GCN1: variants seen among roughly 807,000 people sequenced by gnomAD.
GCN1 encodes stalled ribosome sensor GCN1.
A neutral mutation model predicts 288.4 loss-of-function variants in GCN1; 90 were observed. That is an observed-to-expected ratio of 0.31 (90% confidence interval 0.26 to 0.37). GCN1 has a LOEUF of 0.37. Among genes scored for constraint, GCN1 ranks in the 10% least tolerant of loss-of-function variants. The probability of loss-of-function intolerance (pLI) is 1.00; values close to 1 mark genes in which losing one functional copy is unlikely to be tolerated. For synonymous variants in GCN1, 1,386 were observed against 1,420.2 expected (o/e 0.98, Z 0.54); for missense variants, 2,586 against 3,419.9 (o/e 0.76, Z 6.08).
intron 2 of GCN1, among the ~76,000 whole-genome samples, chr12:120,186,012 G>A (rs912145544): frequency 1.3e-5 from 2 of 152,254 alleles, no homozygotes; most frequent in Admixed American, 6.5e-5. Context: ...ACTCTGGGCA[G>A]AAAGAGTTCA....
chr12:120,156,643 C>A lies in GCN1; in HGVS notation c.3169-39G>T. On this transcript the variant is annotated intron_variant, in intron 27 of 57. Transcript: ENST00000300648. The surrounding 1 kb of genome is among the most constrained non-coding windows in gnomAD (Gnocchi z 5.8). ...CAATCCACTGGTTCAGTCAGCAACT[C>A]ATTTACTACTAGGGGGCCAGAGAGG... The A allele has an allele frequency of 6.2e-7, 1 of 1,607,094 alleles. No homozygotes were observed. Among genetic ancestry groups the A allele is most frequent in the Non-Finnish European group, 8.5e-7 (1 of 1,174,592 alleles).
chr12:120,164,176 T>C (rs1300684634), intron 18 of GCN1, among the ~76,000 whole-genome samples, 160 bp downstream of exon 18: 6 of 152,120 alleles, frequency 3.9e-5, no homozygotes, highest in Admixed American at 3.9e-4. Flanking sequence ...AGGAATCCTA[T>C]GAAAGATGTT....
chr12:120,164,901 G>A (rs1878052519), intron 16 of GCN1, among the ~76,000 whole-genome samples, 180 bp from the exon 17 acceptor site: 1 of 147,950 alleles, frequency 6.8e-6, no homozygotes, highest in South Asian at 2.1e-4. Flanking sequence ...ATGTATTTTG[G>A]AATCAGTAAA....
At position 120,151,334 on chromosome 12, in the gene GCN1, C is replaced by T. The variant is rs1215773482; in HGVS notation, c.4120G>A (p.Ala1374Thr). 1.2e-6 allele frequency: 2 copies of T among 1,613,920 alleles called. No individual in the cohort carries two copies. Among genetic ancestry groups the T allele is most frequent in the Non-Finnish European group, 1.7e-6 (2 of 1,179,954 alleles). ...ATAAGCCTCTGGATCATCCCTCCAG[C>T]ATCCTCCTTGATGGCTGGCACAAGG... ...PPLVPAIKED[A>T]GGMIQRLMQQ... The change falls in exon 34 of 58, where the codon GCT becomes ACT. Residue 1374 changes from alanine to threonine, a missense_variant. By Grantham distance (58) the Ala-to-Thr change is moderately conservative. Around this residue, in one of 8 missense-constraint regions of GCN1, gnomAD observed 332 missense variants for 403.0 expected, o/e 0.82. Transcript: ENST00000300648.
Position 120,157,004 on chromosome 12 carries a change from C to T in GCN1, c.3088-12G>A, listed in dbSNP as rs757964749. The T allele has an allele frequency of 1.1e-5, 18 of 1,599,472 alleles. No individual in the cohort carries two copies. In the East Asian group the frequency reaches 1.3e-4, roughly 12 times the overall value. The stretch of plus-strand genomic sequence containing the variant: ...AACTCCGGGCCATTCTAGGAGAGAA[C>T]GGCAGGTAAGTCGAGATGAGGCTGT... On this transcript the variant is annotated splice_polypyrimidine_tract_variant and intron_variant, in intron 26 of 57. Coordinates refer to ENST00000300648, the MANE Select transcript of GCN1 (RefSeq NM_006836.2).
chr12:120,173,642 A>G lies in GCN1; in HGVS notation c.1366+11T>C. ...AGGAGACCTGGACACTAGCCCTGGG[A>G]GTTGTCTTACCCCGGTAAGAGGCCA... On this transcript the variant is annotated intron_variant, in intron 14 of 57. Transcript: ENST00000300648. 3 of 1,555,598 alleles carry G rather than the reference A, an allele frequency of 1.9e-6. No homozygotes were observed. The highest frequency in any genetic ancestry group is 2.7e-6 in the Non-Finnish European group (3 of 1,127,310).
chr12:120,174,275 T>C (rs574132198), intron 12 of GCN1, 106 bp from the exon 13 acceptor site: 124 of 693,608 alleles, frequency 1.8e-4, no homozygotes, highest in South Asian at 6.8e-4. Context: ...CTCTTCTGTG[T>C]CTCCAGCAGG....
At chr12:120,173,602 T>G in intron 14 of GCN1, 51 bp downstream of exon 14, 1 of 1,061,440 alleles carries the variant, frequency 9.4e-7, no homozygotes. Context: ...CCCTAAAGAC[T>G]CAGTAACCTC....
chr12:120,167,960 T>C (rs1878186491), intron 16 of GCN1, among the ~76,000 whole-genome samples: 1 of 151,988 alleles, frequency 6.6e-6, no homozygotes, highest in Non-Finnish European at 1.5e-5. Context: ...TCAGCTATAA[T>C]TACAGCTCAT....
At chr12:120,152,191 G>A (rs1324122519) in intron 33 of GCN1, among the ~76,000 whole-genome samples, 1 of 151,666 alleles carries the variant, frequency 6.6e-6, no homozygotes, top group Non-Finnish European at 1.5e-5. Context: ...TCCACCTCTG[G>A]CTAATTTTTA....
rs1877875495 is a variant in GCN1, at chr12:120,160,012, C to T, written c.2562G>A (p.Glu854=). The part of the protein sequence containing the change: ...VRRRLQELDG[E]LEAALGLLDI... ...CCAGCAGTCCAAGCGCCGCCTCCAG[C>T]TCCCCATCCAGCTGCAAGCAGAGTT... is the stretch of plus-strand genomic sequence containing the variant. Residue 854 remains glutamate, a synonymous_variant, in exon 24 of 58, where the codon GAG becomes GAA. Transcript: ENST00000300648. 1 of 1,614,114 alleles carries T rather than the reference C, an allele frequency of 6.2e-7. No individual in the cohort carries two copies. The highest frequency in any genetic ancestry group is 8.5e-7 in the Non-Finnish European group (1 of 1,179,946).
At chr12:120,179,621 G>A (rs1322275976) in intron 5 of GCN1, among the ~76,000 whole-genome samples, 2 of 151,648 alleles carry the variant, frequency 1.3e-5, no homozygotes, top group Non-Finnish European at 2.9e-5. Flanking sequence ...GGATGGTCTC[G>A]ATCTCCTGAC....
rs1187796948 is a variant in GCN1, at chr12:120,132,926, G to A, written c.7318-904C>T. The stretch of plus-strand genomic sequence containing the variant: ...AAGCCCAGGTGCCAAGCTAAAGCTG[G>A]CTCTGACACCGACTCTCTCCAACTT... On this transcript the variant is annotated intron_variant, in intron 53 of 57. Transcript: ENST00000300648. Among the ~76,000 whole-genome samples, 3 of 152,024 alleles carry A rather than the reference G, an allele frequency of 2.0e-5. No individual in the cohort carries two copies. The East Asian group carries it at 5.8e-4, about 29-fold the overall frequency.
In GCN1 at chr12:120,163,179, C is replaced by T; in HGVS notation, c.1929G>A (p.Leu643=). Residue 643 remains leucine, a synonymous_variant, in exon 19 of 58, where the codon CTG becomes CTA. Coordinates refer to ENST00000300648, the MANE Select transcript of GCN1 (RefSeq NM_006836.2). ...CGGAGATGACACACAGAGCCTCCTGCAGGACCCGTGGAGGCACGTAGGCCT... is the reference window on the plus strand; with the variant it reads ...CGGAGATGACACACAGAGCCTCCTGTAGGACCCGTGGAGGCACGTAGGCCT... ...AGKAYVPPRV[L]QEALCVISGV... The T allele has an allele frequency of 6.2e-7, 1 of 1,613,918 alleles. No individual in the cohort carries two copies. The highest frequency in any genetic ancestry group is 8.5e-7 in the Non-Finnish European group (1 of 1,179,760).
Position 120,185,121 on chromosome 12 carries a change from C to T in GCN1, c.122-234G>A, listed in dbSNP as rs1182819785. ...AACGAAACTAAGAAAATAAAAGTGGCCTCGAAACCTCACATGCCATCAAGA... is the reference window on the plus strand; with the variant it reads ...AACGAAACTAAGAAAATAAAAGTGGTCTCGAAACCTCACATGCCATCAAGA... On this transcript the variant is annotated intron_variant, in intron 2 of 57. Transcript: ENST00000300648. Among the ~76,000 whole-genome samples the T allele has an allele frequency of 7.2e-5, 11 of 152,162 alleles. 1 individual carries two copies. The East Asian group carries it at 2.1e-3, about 29-fold the overall frequency.
rs1029441798 is a variant in GCN1, at chr12:120,142,181, C to T, written c.5829+326G>A. On this transcript the variant is annotated intron_variant, in intron 44 of 57. Transcript: ENST00000300648. This position sits in a 1 kb window ranked among gnomAD's most constrained non-coding sequence, Gnocchi z 4.9. The stretch of plus-strand genomic sequence containing the variant: ...CTCTACTAAAAATATAAAAAAATGG[C>T]CAGGTGTGGTGGTGGATGCCTGTAG... Among the ~76,000 whole-genome samples, 4 of 151,992 alleles carry T rather than the reference C, an allele frequency of 2.6e-5. No individual in the cohort carries two copies. Among genetic ancestry groups the T allele is most frequent in the Admixed American group, 1.3e-4 (2 of 15,252 alleles).
intron 57 of GCN1, 123 bp from the exon 58 acceptor site, chr12:120,128,097 A>G: frequency 1.1e-6 from 1 of 919,030 alleles, no homozygotes; most frequent in Non-Finnish European, 1.7e-6. Context: ...GGACTCTGGC[A>G]AAATAAGGGA....
At chr12:120,130,991 A>G (rs939255241) in intron 55 of GCN1, among the ~76,000 whole-genome samples, 194 bp downstream of exon 55, 1 of 152,060 alleles carries the variant, frequency 6.6e-6, no homozygotes, top group Non-Finnish European at 1.5e-5. Context: ...TTCAACCCAA[A>G]TTCCTTGTTT....
rs1456066619 is a variant in GCN1 at position 120,144,369 on chromosome 12, G to C, written c.5432C>G (p.Thr1811Arg). Reference protein sequence around the residue: ...GQRVISMYAETAIALLLPQLE... With the variant: ...GQRVISMYAERAIALLLPQLE... The stretch of plus-strand genomic sequence containing the variant: ...CTGGGGCAGCAGCAGGGCGATGGCT[G>C]TCTCAGCGTACATGGAGATAACCCG... Residue 1811 changes from threonine to arginine, a missense_variant, in exon 42 of 58, where the codon ACA becomes AGA. By Grantham distance (71) the Thr-to-Arg change is moderately conservative. Around this residue, in one of 8 missense-constraint regions of GCN1, gnomAD observed 371 missense variants for 572.6 expected, o/e 0.65. Coordinates refer to ENST00000300648, the MANE Select transcript of GCN1 (RefSeq NM_006836.2). This position sits in a 1 kb window ranked among gnomAD's most constrained non-coding sequence, Gnocchi z 4.7. 1 of 1,614,092 alleles carries C rather than the reference G, an allele frequency of 6.2e-7. No homozygotes were observed. The highest frequency in any genetic ancestry group is 2.2e-5 in the East Asian group (1 of 44,902).
Sources: allele counts gnomAD v4.1 joint callset (sites outside exome capture counted in the v4.1 genomes callset), GRCh38; gene constraint gnomAD v4.1.1; regional missense constraint gnomAD v4.1.1; non-coding constraint Gnocchi (gnomAD v3.1); transcripts MANE v1.5; gene names NCBI Gene and HGNC (gene_info 2026-07-23, HGNC 2026-07-21).